Variants in SOX6 observed in about 807,000 individuals in gnomAD.
SOX6 encodes the protein SRY-box transcription factor 6, also known as transcription factor SOX-6.
A neutral mutation model predicts 97.8 loss-of-function variants in SOX6; 11 were observed. The ratio of observed to expected loss-of-function variants is 0.11; its 90% confidence interval spans 0.07 to 0.19. The LOEUF (loss-of-function observed/expected upper bound fraction) is 0.19. Ranked by LOEUF, SOX6 falls within the 10% of genes least tolerant of loss-of-function variation. SOX6 has a pLI of 1.00. For synonymous variants in SOX6, 360 were observed against 371.4 expected (o/e 0.97, Z 0.35); for missense variants, 810 against 1,039.5 (o/e 0.78, Z 3.04).
chr11:15,969,346 C>T lies in SOX6; in HGVS notation c.*3463G>A, dbSNP rs1853238346. The T allele has an allele frequency of 6.6e-6, 1 of 152,082 alleles. No homozygotes were observed. Among genetic ancestry groups the T allele is most frequent in the African/African-American group, 2.4e-5 (1 of 41,412 alleles). The allele number at this position is 152,082 out of a possible 1,614,324, so 9.4% of individuals were successfully genotyped here. A position where few individuals can be genotyped will look rare whatever the true frequency, so the allele number is the denominator to read the frequency against. On this transcript the variant is annotated 3_prime_UTR_variant, in exon 16 of 16. Transcript: ENST00000683767. ...TTCATGCTTCTTGCTATTAAATGGTCACAGAACTATCTTAGAAGATTTATG... is the reference window on the plus strand; with the variant it reads ...TTCATGCTTCTTGCTATTAAATGGTTACAGAACTATCTTAGAAGATTTATG...
chr11:16,150,587 CG>C (rs1282357418), intron 6 of SOX6, among the ~76,000 whole-genome samples: 1 of 152,142 alleles, frequency 6.6e-6, no homozygotes, highest in African/African-American at 2.4e-5. Context: ...TTCTGTCTCT[CG>C]GGCTGAAAGA....
At chr11:16,702,944 ATG>A (rs1294858671) in intron 3 of SOX6, among the ~76,000 whole-genome samples, 2 of 149,604 alleles carry the variant, frequency 1.3e-5, no homozygotes, top group Non-Finnish European at 3.0e-5. Flanking sequence ...AATCCTTCAT[ATG>A]TATATATATA....
At chr11:16,533,419 G>T (rs1450752814) in intron 4 of SOX6, among the ~76,000 whole-genome samples, 1 of 151,866 alleles carries the variant, frequency 6.6e-6, no homozygotes, top group East Asian at 1.9e-4. Context: ...TGCATCTTGA[G>T]ATCTGAGAAG....
intron 1 of SOX6, among the ~76,000 whole-genome samples, chr11:16,417,487 T>C (rs1275035312): frequency 6.6e-6 from 1 of 152,166 alleles, no homozygotes; most frequent in Non-Finnish European, 1.5e-5. Flanking sequence ...CTTCTGGATT[T>C]AGGAGGATTC....
At chr11:16,052,117 T>G (rs939703053) in intron 10 of SOX6, among the ~76,000 whole-genome samples, 1 of 152,168 alleles carries the variant, frequency 6.6e-6, no homozygotes, top group Non-Finnish European at 1.5e-5. Context: ...TACATCTTTT[T>G]TAACTTTGAA....
chr11:16,713,239 C>G (rs1333393921), intron 3 of SOX6, among the ~76,000 whole-genome samples: 1 of 152,054 alleles, frequency 6.6e-6, no homozygotes, highest in African/African-American at 2.4e-5. Context: ...TTTTAACAAG[C>G]ATTTACAAAC....
chr11:16,215,673 A>G (rs970269443), intron 4 of SOX6, among the ~76,000 whole-genome samples: 2 of 152,210 alleles, frequency 1.3e-5, no homozygotes, highest in Non-Finnish European at 2.9e-5. Context: ...ATGCTATACT[A>G]AAGGAGAAGA....
chr11:16,646,330 A>G (rs1849013038), intron 3 of SOX6: 1 of 152,218 alleles, frequency 6.6e-6, no homozygotes, highest in Non-Finnish European at 1.5e-5. Flanking sequence ...GAAGGTGAGA[A>G]AGGTATAAAT....
intron 1 of SOX6, among the ~76,000 whole-genome samples, chr11:16,391,131 G>A (rs1200784833): frequency 6.6e-6 from 1 of 152,186 alleles, no homozygotes; most frequent in African/African-American, 2.4e-5. Context: ...TCATAAGTGA[G>A]AGTTGAACAA....
intron 4 of SOX6, among the ~76,000 whole-genome samples, chr11:16,529,032 C>T (rs1307817260): frequency 1.3e-5 from 2 of 152,054 alleles, no homozygotes; most frequent in Non-Finnish European, 2.9e-5. Context: ...CTGCTCTCAA[C>T]ACATTTTTTA....
At chr11:16,560,357 A>G (rs67244957) in intron 4 of SOX6, among the ~76,000 whole-genome samples, 21,353 of 150,344 alleles carry the variant, frequency 0.14, 1,745 homozygotes, top group African/African-American at 0.22. Flanking sequence ...GCCTAGCATT[A>G]TGCCTAAAAT....
At chr11:16,273,902 C>T (rs1159377053) in intron 3 of SOX6, among the ~76,000 whole-genome samples, 8 of 151,894 alleles carry the variant, frequency 5.3e-5, no homozygotes, top group Non-Finnish European at 7.4e-5. Context: ...TGACTAAATT[C>T]ATATACATAT....
intron 4 of SOX6, among the ~76,000 whole-genome samples, chr11:16,205,747 A>C (rs2134134207): frequency 6.6e-6 from 1 of 152,294 alleles, no homozygotes; most frequent in African/African-American, 2.4e-5. Context: ...AGAGCTATTA[A>C]AGTACATAAA....
At chr11:16,597,880 G>A (rs1848228805) in intron 4 of SOX6, among the ~76,000 whole-genome samples, 1 of 151,948 alleles carries the variant, frequency 6.6e-6, no homozygotes, top group Non-Finnish European at 1.5e-5. Context: ...TCTACATTTA[G>A]TCATTACTCT....
intron 4 of SOX6, among the ~76,000 whole-genome samples, chr11:16,190,851 T>A (rs1169356758): frequency 1.3e-5 from 2 of 152,334 alleles, no homozygotes; most frequent in East Asian, 3.9e-4. Flanking sequence ...TCGGGTATAA[T>A]GGTTTGAAGC....
At chr11:16,627,952 C>A (rs1848646895) in intron 3 of SOX6, among the ~76,000 whole-genome samples, 1 of 152,110 alleles carries the variant, frequency 6.6e-6, no homozygotes, top group Admixed American at 6.5e-5. Context: ...AATATTTAAT[C>A]CATCTTGAGT....
At chr11:16,397,085 A>G (rs1012928924) in intron 1 of SOX6, among the ~76,000 whole-genome samples, 1 of 151,402 alleles carries the variant, frequency 6.6e-6, no homozygotes, top group Non-Finnish European at 1.5e-5. Context: ...AGAACCCAGA[A>G]CTTCCTCTTG....
intron 2 of SOX6, among the ~76,000 whole-genome samples, chr11:16,734,783 G>T (rs1244270315): frequency 6.6e-6 from 1 of 152,168 alleles, no homozygotes; most frequent in East Asian, 1.9e-4. Context: ...TATATGTCAT[G>T]GTGCTAAGCT....
At chr11:15,974,378 C>CTCTTTT (rs761914801) in intron 15 of SOX6, among the ~76,000 whole-genome samples, 2 of 85,658 alleles carry the variant, frequency 2.3e-5, no homozygotes. Flanking sequence ...TTAGCTCTCT[C>CTCTTTT]TTTTTTTTTT....
Sources: allele counts gnomAD v4.1 joint callset (sites outside exome capture counted in the v4.1 genomes callset), GRCh38; gene constraint gnomAD v4.1.1; transcripts MANE v1.5; gene names NCBI Gene and HGNC (gene_info 2026-07-23, HGNC 2026-07-21).